Variants in TBC1D12 observed in about 807,000 individuals in gnomAD.
The protein encoded by TBC1D12 is TBC1 domain family member 12.
Under a neutral mutation model 86.7 loss-of-function variants are expected in TBC1D12, and 56 were observed. That is an observed-to-expected ratio of 0.65 (90% confidence interval 0.52 to 0.81). The LOEUF (loss-of-function observed/expected upper bound fraction) is 0.81, where lower values mean the gene tolerates loss of function less well. Among genes scored for constraint, TBC1D12 ranks in the 30% least tolerant of loss-of-function variants. The probability of loss-of-function intolerance (pLI) is 0.00; values close to 1 mark genes in which losing one functional copy is unlikely to be tolerated. For missense variants in TBC1D12, 1,023 were observed against 1,038.8 expected, an observed-to-expected ratio of 0.98 and a Z score of 0.21; for synonymous variants, 421 against 411.7, an observed-to-expected ratio of 1.02 and a Z score of -0.27.
chr10:94,490,171 A>C (rs1589654023), intron 3 of TBC1D12, among the ~76,000 whole-genome samples: 1 of 152,170 alleles, frequency 6.6e-6, no homozygotes, highest in East Asian at 1.9e-4. Context: ...GAATTGCTTG[A>C]AACCAACTGG....
At chr10:94,514,328 T>C (rs1358880532) in intron 9 of TBC1D12, among the ~76,000 whole-genome samples, 1 of 152,136 alleles carries the variant, frequency 6.6e-6, no homozygotes, top group Non-Finnish European at 1.5e-5. Context: ...TAAGCCGAAA[T>C]GGTGCCTGGG....
intron 1 of TBC1D12, among the ~76,000 whole-genome samples, chr10:94,409,381 T>TA (rs1460327142): frequency 6.7e-6 from 1 of 150,100 alleles, no homozygotes; most frequent in East Asian, 1.9e-4. Context: ...TAACTTTTTT[T>TA]TTTTTTTTTT....
intron 1 of TBC1D12, among the ~76,000 whole-genome samples, chr10:94,420,229 C>T (rs2055055824): frequency 6.6e-6 from 1 of 152,162 alleles, no homozygotes; most frequent in South Asian, 2.1e-4. Context: ...TATGAGCACA[C>T]AGCAGAAAGG....
chr10:94,424,393 T>C (rs1688757911), intron 1 of TBC1D12, among the ~76,000 whole-genome samples: 1 of 152,212 alleles, frequency 6.6e-6, no homozygotes, highest in African/African-American at 2.4e-5. Flanking sequence ...TTATACTTGG[T>C]AGTGTTTTCT....
At chr10:94,514,155 G>A (rs1424360247) in intron 9 of TBC1D12, among the ~76,000 whole-genome samples, 2 of 151,922 alleles carry the variant, frequency 1.3e-5, no homozygotes, top group African/African-American at 4.8e-5. Context: ...TGGGAAGATC[G>A]CTTGAGCCCA....
In TBC1D12 at chr10:94,504,393, C is replaced by T. The variant is rs575758270; in HGVS notation, c.1520-2874C>T. 4.6e-5 allele frequency among the ~76,000 whole-genome samples: 7 copies of T among 152,274 alleles called. No individual in the cohort carries two copies. In the South Asian group the frequency reaches 1.5e-3, roughly 32 times the overall value. The stretch of plus-strand genomic sequence containing the variant: ...ACATAACTGAGTCATTTATTTCCAA[C>T]ATAATTTTCGATTTTCTTCACTAAA... On this transcript the variant is annotated intron_variant, in intron 6 of 12. Transcript: ENST00000225235.
intron 4 of TBC1D12, among the ~76,000 whole-genome samples, chr10:94,494,946 C>T (rs1227623871): frequency 2.0e-5 from 3 of 151,862 alleles, no homozygotes; most frequent in Admixed American, 2.0e-4. Context: ...ACTGCAGCCT[C>T]GAATTCCTGG....
chr10:94,478,279 A>G (rs1293207635), intron 3 of TBC1D12, among the ~76,000 whole-genome samples: 1 of 152,154 alleles, frequency 6.6e-6, no homozygotes, highest in Admixed American at 6.5e-5. Context: ...ATAAAATAAG[A>G]TGACAGAGAT....
intron 1 of TBC1D12, among the ~76,000 whole-genome samples, chr10:94,439,141 G>A (rs1466313912): frequency 6.6e-6 from 1 of 152,026 alleles, no homozygotes; most frequent in Admixed American, 6.6e-5. Context: ...ACTTTGGTGG[G>A]GAGACTGACC....
chr10:94,507,174 C>A, intron 6 of TBC1D12, 93 bp from the exon 7 acceptor site: 1 of 1,239,262 alleles, frequency 8.1e-7, no homozygotes. Context: ...TCAGAGAGAC[C>A]TGACCTGTAA....
Position 94,511,673 on chromosome 10 carries a change from C to G in TBC1D12, c.1761+19C>G. On this transcript the variant is annotated intron_variant, in intron 9 of 12. Coordinates refer to ENST00000225235, the MANE Select transcript of TBC1D12 (RefSeq NM_015188.2). ...TGGTTATGTAAGTATTTGTTTCCAT[C>G]TGTTTTTTGAATATAAGCATTTTAT... The G allele has an allele frequency of 6.3e-7, 1 of 1,577,510 alleles. No homozygotes were observed. Among genetic ancestry groups the G allele is most frequent in the Non-Finnish European group, 8.7e-7 (1 of 1,150,682 alleles).
intron 7 of TBC1D12, chr10:94,509,148 A>G (rs936270530): frequency 7.7e-6 from 1 of 129,294 alleles, no homozygotes; most frequent in East Asian, 2.2e-4. Context: ...CCTGTCGCCC[A>G]GGCTGGAGTG....
intron 3 of TBC1D12, among the ~76,000 whole-genome samples, chr10:94,488,247 G>T (rs1462361899): frequency 6.6e-6 from 1 of 151,438 alleles, no homozygotes; most frequent in Non-Finnish European, 1.5e-5. Context: ...AATTAGCCGG[G>T]TATGGTGGCA....
intron 1 of TBC1D12, among the ~76,000 whole-genome samples, chr10:94,415,770 G>C (rs2054991634): frequency 6.6e-6 from 1 of 152,072 alleles, no homozygotes; most frequent in African/African-American, 2.4e-5. Context: ...TAAAACTTTT[G>C]ATAGGTAATT....
At chr10:94,491,703 A>G (rs80091126) in intron 3 of TBC1D12, among the ~76,000 whole-genome samples, 4,489 of 152,270 alleles carry the variant, frequency 0.029, 102 homozygotes, top group South Asian at 0.044. Flanking sequence ...TATCTGCACT[A>G]TATACACTAC....
At chr10:94,417,058 C>T (rs2055008854) in intron 1 of TBC1D12, among the ~76,000 whole-genome samples, 1 of 152,042 alleles carries the variant, frequency 6.6e-6, no homozygotes, top group Admixed American at 6.6e-5. Context: ...TGAGAGGTGG[C>T]AGTACAGGGA....
chr10:94,488,785 A>G (rs1400893530), intron 3 of TBC1D12, among the ~76,000 whole-genome samples: 1 of 152,012 alleles, frequency 6.6e-6, no homozygotes, highest in Non-Finnish European at 1.5e-5. Context: ...GGGTGTCTCT[A>G]GAAATGTCAT....
chr10:94,431,879 A>T (rs1035612574), intron 1 of TBC1D12, among the ~76,000 whole-genome samples: 1 of 152,154 alleles, frequency 6.6e-6, no homozygotes, highest in African/African-American at 2.4e-5. Flanking sequence ...GAGAGAAGCT[A>T]GGAATGTTCC....
chr10:94,461,030 C>A (rs902144198), intron 2 of TBC1D12, among the ~76,000 whole-genome samples: 2 of 152,092 alleles, frequency 1.3e-5, no homozygotes, highest in Non-Finnish European at 2.9e-5. Flanking sequence ...AAAACGAATT[C>A]TGGTTTGATA....
Sources: allele counts gnomAD v4.1 joint callset (sites outside exome capture counted in the v4.1 genomes callset), GRCh38; gene constraint gnomAD v4.1.1; transcripts MANE v1.5; gene names NCBI Gene and HGNC (gene_info 2026-07-23, HGNC 2026-07-21).